CFAP251: variants seen among roughly 807,000 people sequenced by gnomAD.
The protein encoded by CFAP251 is cilia- and flagella-associated protein 251.
Under a neutral mutation model 126.7 loss-of-function variants are expected in CFAP251, and 93 were observed. That is an observed-to-expected ratio of 0.73 (90% CI 0.62 to 0.87). The LOEUF (loss-of-function observed/expected upper bound fraction) is 0.87. CFAP251 is among the 40% of genes least tolerant of loss of function. The pLI is 0.00. For missense variants in CFAP251, 1,287 were observed against 1,389.2 expected (o/e 0.93, Z 1.17); for synonymous variants, 503 against 506.9 (o/e 0.99, Z 0.10).
intron 2 of CFAP251, among the ~76,000 whole-genome samples, chr12:121,922,036 C>T (rs1259852906): frequency 2.0e-5 from 3 of 151,828 alleles, no homozygotes; most frequent in African/African-American, 7.3e-5. Flanking sequence ...CTCAAATGAT[C>T]TGCCCACCTT....
chr12:121,949,045 C>A lies in CFAP251; in HGVS notation c.1253C>A (p.Ala418Glu). 6.3e-7 allele frequency: 1 copy of A among 1,585,738 alleles called. No individual in the cohort carries two copies. The highest frequency in any genetic ancestry group is 8.6e-7 in the Non-Finnish European group (1 of 1,165,744). ...TTGGTGAGCAATAGTAAAACACGGG[C>A]AATATATTATGCATGGGTAAGCAGA... Reference protein sequence around the residue: ...KELVSNSKTRAIYYAWYEERD... With the variant: ...KELVSNSKTREIYYAWYEERD... The change falls in exon 8 of 22, where the codon GCA becomes GAA. Residue 418 changes from alanine to glutamate, a missense_variant. Physicochemically the swap from Ala to Glu is moderately radical, Grantham distance 107. Coordinates refer to ENST00000288912, the MANE Select transcript of CFAP251 (RefSeq NM_144668.6).
At chr12:121,965,155 T>C (rs1882078723) in intron 15 of CFAP251, among the ~76,000 whole-genome samples, 1 of 152,104 alleles carries the variant, frequency 6.6e-6, no homozygotes, top group African/African-American at 2.4e-5. Context: ...TGAAAGAACA[T>C]GAAAAGGCAG....
At chr12:121,972,817 G>A (rs1347119697) in intron 17 of CFAP251, among the ~76,000 whole-genome samples, 2 of 152,192 alleles carry the variant, frequency 1.3e-5, no homozygotes, top group African/African-American at 4.8e-5. Flanking sequence ...AAGCAGCAAA[G>A]CATTCGAGAG....
chr12:121,960,649 A>C lies in CFAP251; in HGVS notation c.2198A>C (p.Tyr733Ser), dbSNP rs775721135. Residue 733 changes from tyrosine to serine, a missense_variant, in exon 14 of 22, where the codon TAC (tyrosine) becomes TCC (serine). By Grantham distance (144) the Tyr-to-Ser change is moderately radical. Transcript: ENST00000288912. ...AGAAATGGACAGAGGGTCTGGGAGTACTTAGCAAGACTTCGCTCTCATCGC... is the reference window on the plus strand; with the variant it reads ...AGAAATGGACAGAGGGTCTGGGAGTCCTTAGCAAGACTTCGCTCTCATCGC... ...VVRNGQRVWE[Y>S]LARLRSHRKS... The C allele has an allele frequency of 1.5e-5, 25 of 1,614,080 alleles. No individual in the cohort carries two copies. The highest frequency in any genetic ancestry group is 3.3e-5 in the Admixed American group (2 of 60,000).
chr12:121,991,518 C>A (rs1441279789), intron 19 of CFAP251, among the ~76,000 whole-genome samples: 1 of 152,148 alleles, frequency 6.6e-6, no homozygotes, highest in East Asian at 1.9e-4. Flanking sequence ...TGGTCAGACC[C>A]TATCCCAGAC....
At chr12:121,935,253 G>A (rs1386967403) in intron 5 of CFAP251, among the ~76,000 whole-genome samples, 5 of 152,130 alleles carry the variant, frequency 3.3e-5, no homozygotes, top group South Asian at 2.1e-4. Context: ...CACCGCATCC[G>A]ATCTCTCTTT....
chr12:121,992,993 C>T (rs1283291853), intron 19 of CFAP251, among the ~76,000 whole-genome samples: 2 of 148,096 alleles, frequency 1.4e-5, no homozygotes, highest in Non-Finnish European at 3.0e-5. Flanking sequence ...CTCCCTCTCC[C>T]TCTCCCTCTC....
intron 3 of CFAP251, among the ~76,000 whole-genome samples, chr12:121,925,059 A>G (rs1592960813): frequency 6.7e-6 from 1 of 148,868 alleles, no homozygotes; most frequent in South Asian, 2.1e-4. Flanking sequence ...CTCCTCCTTC[A>G]TGCTGCCAAT....
chr12:121,981,446 C>A (rs1882619623), intron 19 of CFAP251, among the ~76,000 whole-genome samples: 1 of 152,118 alleles, frequency 6.6e-6, no homozygotes, highest in East Asian at 1.9e-4. Context: ...CACACACACC[C>A]CACACTCCTG....
chr12:121,947,283 T>C (rs1044855154), intron 7 of CFAP251, among the ~76,000 whole-genome samples: 1 of 152,174 alleles, frequency 6.6e-6, no homozygotes, highest in Non-Finnish European at 1.5e-5. Flanking sequence ...GGTCTAGAAT[T>C]TCCATTTGAT....
chr12:121,932,465 C>G (rs1377107186), intron 4 of CFAP251: 2 of 152,596 alleles, frequency 1.3e-5, no homozygotes, highest in Middle Eastern at 3.2e-3. Flanking sequence ...TTTCACCCCT[C>G]TCTGAGCCTC....
intron 17 of CFAP251, among the ~76,000 whole-genome samples, chr12:121,973,928 G>A (rs1882395597): frequency 6.6e-6 from 1 of 152,186 alleles, no homozygotes; most frequent in Non-Finnish European, 1.5e-5. Context: ...GATTTTGGGG[G>A]ACTATTGGGA....
intron 19 of CFAP251, among the ~76,000 whole-genome samples, chr12:121,995,828 A>G (rs1300913383): frequency 6.6e-6 from 1 of 152,184 alleles, no homozygotes; most frequent in African/African-American, 2.4e-5. Flanking sequence ...TGAAACTACT[A>G]GGTGATTACT....
chr12:121,967,935 T>A (rs970551799), intron 16 of CFAP251, 71 bp from the exon 17 acceptor site: 10 of 1,396,202 alleles, frequency 7.2e-6, no homozygotes, highest in Non-Finnish European at 7.9e-6. Flanking sequence ...GGAGGTGACA[T>A]GTGAACGTGC....
intron 20 of CFAP251, among the ~76,000 whole-genome samples, chr12:122,000,234 A>C (rs751616745): frequency 8.5e-5 from 13 of 152,132 alleles, no homozygotes; most frequent in African/African-American, 1.2e-4. Context: ...ATGCCAGCTG[A>C]TCCATCTCCC....
At chr12:121,924,336 A>C (rs1880317388) in intron 3 of CFAP251, among the ~76,000 whole-genome samples, 1 of 151,078 alleles carries the variant, frequency 6.6e-6, no homozygotes, top group South Asian at 2.1e-4. Context: ...GTTGGTCTTG[A>C]ACTCCTGACC....
At chr12:121,919,815 A>G (rs1478229490) in intron 1 of CFAP251, among the ~76,000 whole-genome samples, 5 of 152,206 alleles carry the variant, frequency 3.3e-5, no homozygotes, top group African/African-American at 1.2e-4. Flanking sequence ...AAAGGCTACA[A>G]GGTGTTTATT....
chr12:121,962,414 C>G (rs1329060457), intron 15 of CFAP251, among the ~76,000 whole-genome samples: 1 of 152,188 alleles, frequency 6.6e-6, no homozygotes, highest in Non-Finnish European at 1.5e-5. Flanking sequence ...GTTGCTAATG[C>G]TATCTCCTAT....
intron 9 of CFAP251, chr12:121,953,917 C>T (rs1398375646): frequency 1.7e-6 from 1 of 584,876 alleles, no homozygotes; most frequent in African/African-American, 1.9e-5. Context: ...AGTACATAAC[C>T]CTTCACTTGC....
Sources: gnomAD v4.1 joint callset for allele counts (sites outside exome capture counted in the v4.1 genomes callset) on GRCh38, gnomAD v4.1.1 for gene constraint, MANE v1.5 for transcripts, NCBI Gene and HGNC (gene_info 2026-07-23, HGNC 2026-07-21) for gene names.